INPP5B: variants seen among roughly 807,000 people sequenced by gnomAD.
INPP5B encodes the protein inositol polyphosphate-5-phosphatase B.
INPP5B carries 90 observed loss-of-function variants against 118.5 expected under a neutral mutation model. The observed-to-expected ratio is 0.76, with a 90% confidence interval of 0.64 to 0.90. The LOEUF is 0.90. Among genes scored for constraint, INPP5B ranks in the 40% least tolerant of loss-of-function variants. The pLI is 0.00. For missense variants in INPP5B, 984 were observed against 1,125.6 expected (o/e 0.87, Z 1.80); for synonymous variants, 385 against 418.9 (o/e 0.92, Z 0.99).
At position 37,931,700 on chromosome 1, in the gene INPP5B, C is replaced by A. The variant is rs371536609; in HGVS notation, c.532+213G>T. ...GCAGTGTTGCGCTCCCGAGAGCCGG[C>A]GGCGGCAGACATTTCCCTGCCTGCT... On this transcript the variant is annotated intron_variant, in intron 7 of 23. Coordinates refer to ENST00000373024, the MANE Select transcript of INPP5B (RefSeq NM_005540.3). 1.7e-3 allele frequency: 2,569 copies of A among 1,535,854 alleles called. 13 individuals are homozygous for A. The highest frequency in any genetic ancestry group is 0.015 in the Middle Eastern group (87 of 5,966).
chr1:37,901,235 T>C (rs28739509), intron 7 of INPP5B, among the ~76,000 whole-genome samples: 34,192 of 152,154 alleles, frequency 0.22, 4,315 homozygotes, highest in East Asian at 0.29. Flanking sequence ...AGGCACTCTA[T>C]GTATTAAGTA....
intron 7 of INPP5B, among the ~76,000 whole-genome samples, chr1:37,896,392 C>G (rs548589654): frequency 6.7e-6 from 1 of 149,676 alleles, no homozygotes; most frequent in Admixed American, 6.6e-5. Context: ...AGCGTCTCCG[C>G]CCGGCAGCCA....
At chr1:37,892,753 G>C (rs1183601259) in intron 7 of INPP5B, among the ~76,000 whole-genome samples, 1 of 152,216 alleles carries the variant, frequency 6.6e-6, no homozygotes, top group East Asian at 1.9e-4. Flanking sequence ...CCTGCCCAAA[G>C]TCATATGTTG....
intron 7 of INPP5B, among the ~76,000 whole-genome samples, chr1:37,903,726 CAAAA>C (rs56197070): frequency 6.8e-6 from 1 of 147,458 alleles, no homozygotes. Context: ...GACTCCGTCT[CAAAA>C]AAAAAAAAAA....
chr1:37,941,893 G>A (rs1208821445), intron 5 of INPP5B, among the ~76,000 whole-genome samples: 15 of 106,112 alleles, frequency 1.4e-4, no homozygotes, highest in Non-Finnish European at 5.9e-5. Flanking sequence ...AGCCGAGATC[G>A]CGCCACTGCA....
rs1378007881 is a variant in INPP5B at position 37,912,369 on chromosome 1, C to G, written c.532+19544G>C. 2.0e-5 allele frequency among the ~76,000 whole-genome samples: 3 copies of G among 152,202 alleles called. No homozygotes were observed. The South Asian group carries it at 6.2e-4, about 31-fold the overall frequency. On this transcript the variant is annotated intron_variant, in intron 7 of 23. Transcript: ENST00000373024. ...CTCCTGGAAGTCACAAGTGTTCACC[C>G]CTACTTTCCTTAAACTTATTTGCAT...
At chr1:37,871,953 A>G (rs1235047818) in intron 19 of INPP5B, among the ~76,000 whole-genome samples, 1 of 150,450 alleles carries the variant, frequency 6.6e-6, no homozygotes, top group African/African-American at 2.4e-5. Context: ...AGTCCCAGCT[A>G]CTAGGGTGGC....
intron 7 of INPP5B, chr1:37,931,514 A>C: frequency 6.5e-7 from 1 of 1,534,866 alleles, no homozygotes; most frequent in East Asian, 2.5e-5. Flanking sequence ...ACATCACAGA[A>C]CTTCTGCCCC....
chr1:37,878,668 G>C (rs1042339945), intron 15 of INPP5B, among the ~76,000 whole-genome samples: 91 of 151,648 alleles, frequency 6.0e-4, no homozygotes, highest in Non-Finnish European at 1.0e-3. Flanking sequence ...TATTTTTATA[G>C]AGATGGAGTC....
At position 37,943,728 on chromosome 1, in the gene INPP5B, C is replaced by A. The variant is rs541014089; in HGVS notation, c.251-59G>T. On this transcript the variant is annotated intron_variant, in intron 4 of 23. Transcript: ENST00000373024. Reference sequence around the variant, plus strand: ...TTGAGCTTACTCCCCCTTGCCCCCCCATCAAGGACAAAGATGAGCTGGGGG... The same window carrying A: ...TTGAGCTTACTCCCCCTTGCCCCCCAATCAAGGACAAAGATGAGCTGGGGG... 5.1e-5 allele frequency: 82 copies of A among 1,611,630 alleles called. 1 individual carries two copies. The highest frequency in any genetic ancestry group is 1.7e-4 in the Middle Eastern group (1 of 6,058).
intron 12 of INPP5B, among the ~76,000 whole-genome samples, 156 bp from the exon 13 acceptor site, chr1:37,885,981 C>T (rs1425903177): frequency 2.0e-5 from 3 of 152,008 alleles, no homozygotes; most frequent in Admixed American, 1.3e-4. Flanking sequence ...AGTTCAAGAC[C>T]AGCCTGGCCA....
rs376412505 is a variant in INPP5B, at chr1:37,862,248, T to G, written c.*67A>C. On this transcript the variant is annotated 3_prime_UTR_variant, in exon 24 of 24. Transcript: ENST00000373024. ...GGCCTCACATAATTATCTTAAGGCA[T>G]CTCTTGAGCTGAAACAGGTGGGGCT... The G allele has an allele frequency of 1.3e-4, 131 of 1,007,098 alleles. No individual in the cohort carries two copies. The highest frequency in any genetic ancestry group is 3.3e-4 in the South Asian group (25 of 76,420). The allele number at this position is 1,007,098 out of a possible 1,614,324, so 62.4% of individuals were successfully genotyped here.
chr1:37,886,871 A>G lies in INPP5B; in HGVS notation c.1131+17T>C, dbSNP rs767515177. 3.4e-5 allele frequency: 54 copies of G among 1,604,704 alleles called. No homozygotes were observed. The South Asian group carries it at 5.5e-4, about 16-fold the overall frequency. ...CTAAGGTCCTCAATGTGCCAAACAA[A>G]CCAACCAAGGACTCACCATCCTCCC... On this transcript the variant is annotated intron_variant, in intron 12 of 23. Coordinates refer to ENST00000373024, the MANE Select transcript of INPP5B (RefSeq NM_005540.3).
At chr1:37,920,824 C>T (rs1418125737) in intron 7 of INPP5B, among the ~76,000 whole-genome samples, 2 of 150,742 alleles carry the variant, frequency 1.3e-5, no homozygotes, top group Non-Finnish European at 1.5e-5. Flanking sequence ...CAGAGATCCT[C>T]GGCCAGGCGC....
chr1:37,931,982 C>T lies in INPP5B; in HGVS notation c.463G>A (p.Glu155Lys). The part of the protein sequence containing the change: ...SRYRCAELEL[E>K]MPTPRGCNSA... ...TTACAACCGCGCGGCGTTGGCATCT[C>T]CAGCTCCAGCTCTGCGCACCTATAC... Residue 155 changes from glutamate to lysine, a missense_variant, in exon 7 of 24, where the codon GAG (glutamate) becomes AAG (lysine). By Grantham distance (56) the Glu-to-Lys change is moderately conservative. Around this residue, in one of 2 missense-constraint regions of INPP5B, gnomAD observed 350 missense variants for 334.6 expected, o/e 1.05. Coordinates refer to ENST00000373024, the MANE Select transcript of INPP5B (RefSeq NM_005540.3). The T allele has an allele frequency of 1.9e-6, 3 of 1,613,874 alleles. No individual in the cohort carries two copies. The highest frequency in any genetic ancestry group is 1.1e-5 in the South Asian group (1 of 91,072).
intron 6 of INPP5B, among the ~76,000 whole-genome samples, chr1:37,937,078 C>T (rs532606558): frequency 6.6e-5 from 10 of 151,826 alleles, no homozygotes; most frequent in Non-Finnish European, 1.3e-4. Context: ...TTTGGGAGGC[C>T]GAAGTGGGCA....
At position 37,891,390 on chromosome 1, in the gene INPP5B, C is replaced by T. The variant is rs1175332178; in HGVS notation, c.597G>A (p.Arg199=). The change falls in exon 8 of 24, where the codon AGG becomes AGA. Residue 199 remains arginine (R), a synonymous_variant. Coordinates refer to ENST00000373024, the MANE Select transcript of INPP5B (RefSeq NM_005540.3). ...GCAAGCTTTCTGGTTTATCTTGACC[C>T]CTGGAGCTTTGGTCCATAGGCACTC... is the stretch of plus-strand genomic sequence containing the variant. The part of the protein sequence containing the change: ...GKGVPMDQSS[R]GQDKPESLQP... 4 of 1,614,030 alleles carry T rather than the reference C, an allele frequency of 2.5e-6. No individual in the cohort carries two copies. In the South Asian group the frequency reaches 4.4e-5, roughly 18 times the overall value.
At chr1:37,943,966 G>A in intron 3 of INPP5B, 73 bp from the exon 4 acceptor site, 2 of 1,100,178 alleles carry the variant, frequency 1.8e-6, no homozygotes, top group Admixed American at 3.4e-5. Context: ...AGGTCTCGGG[G>A]TGCTCACACT....
chr1:37,862,047 AAAT>A lies in INPP5B; in HGVS notation c.*265_*267del. ...CAAAACTCCGTCTCAAAATAAAAAA[AAAT>A]AAAAAATAAAAAAATCTGTGTTAAA... On this transcript the variant is annotated 3_prime_UTR_variant, in exon 24 of 24. Transcript: ENST00000373024. 1 of 347,072 alleles carries A rather than the reference AAAT, an allele frequency of 2.9e-6. No individual in the cohort carries two copies. The highest frequency in any genetic ancestry group is 5.2e-6 in the Non-Finnish European group (1 of 191,682). The allele number at this position is 347,072 out of a possible 1,614,324, so 21.5% of individuals were successfully genotyped here.
Sources: allele counts gnomAD v4.1 joint callset (sites outside exome capture counted in the v4.1 genomes callset), GRCh38; gene constraint gnomAD v4.1.1; regional missense constraint gnomAD v4.1.1; transcripts MANE v1.5; gene names NCBI Gene and HGNC (gene_info 2026-07-23, HGNC 2026-07-21).